Variants in TBC1D7 observed in about 807,000 individuals in gnomAD.
TBC1D7 encodes the protein TBC domain family 7.
Under a neutral mutation model 35.3 loss-of-function variants are expected in TBC1D7, and 33 were observed. That is an observed-to-expected ratio of 0.93 (90% confidence interval 0.71 to 1.25). The LOEUF is 1.25. Ranked by LOEUF, TBC1D7 falls within the 50% of genes most tolerant of loss-of-function variation. The pLI is 0.00. For missense variants in TBC1D7, 362 were observed against 365.3 expected, an observed-to-expected ratio of 0.99 and a Z score of 0.07; for synonymous variants, 135 against 129.5, an observed-to-expected ratio of 1.04 and a Z score of -0.29.
chr6:13,312,544 C>G (rs1260636991), intron 5 of TBC1D7, among the ~76,000 whole-genome samples: 1 of 151,656 alleles, frequency 6.6e-6, no homozygotes, highest in African/African-American at 2.4e-5. Context: ...AAAAATTAGC[C>G]AGGCATGGTG....
intron 1 of TBC1D7, among the ~76,000 whole-genome samples, chr6:13,327,470 GAA>G (rs2127546475): frequency 6.6e-6 from 1 of 152,178 alleles, no homozygotes; most frequent in South Asian, 2.1e-4. Flanking sequence ...TTTGTAAAAT[GAA>G]AAATTAAGTT....
chr6:13,307,893 C>T (rs1223046487), intron 5 of TBC1D7, 148 bp from the exon 6 acceptor site: 1 of 853,506 alleles, frequency 1.2e-6, no homozygotes, highest in East Asian at 2.7e-5. Flanking sequence ...ACTTGTGACA[C>T]AGCAGTTTCC....
intron 3 of TBC1D7, among the ~76,000 whole-genome samples, chr6:13,322,729 G>A (rs1476924517): frequency 6.6e-6 from 1 of 152,272 alleles, no homozygotes. Context: ...CTTTACTCAT[G>A]CTATGAGACT....
At chr6:13,311,265 A>G (rs1041184603) in intron 5 of TBC1D7, among the ~76,000 whole-genome samples, 1 of 152,246 alleles carries the variant, frequency 6.6e-6, no homozygotes, top group African/African-American at 2.4e-5. Flanking sequence ...CTTCCATGCC[A>G]TACAATTGAA....
intron 4 of TBC1D7, chr6:13,319,912 A>C (rs1263019245): frequency 6.6e-6 from 1 of 152,156 alleles, no homozygotes; most frequent in Non-Finnish European, 1.5e-5. Flanking sequence ...CCAGCGGAAA[A>C]CTCCAGCAGG....
At chr6:13,313,230 T>C (rs184469984) in intron 5 of TBC1D7, among the ~76,000 whole-genome samples, 2 of 152,188 alleles carry the variant, frequency 1.3e-5, no homozygotes, top group African/African-American at 4.8e-5. Context: ...TATATACCAA[T>C]AACTCTTACA....
At chr6:13,305,405 C>T (rs1035538317) in intron 7 of TBC1D7, among the ~76,000 whole-genome samples, 6 of 152,194 alleles carry the variant, frequency 3.9e-5, no homozygotes, top group African/African-American at 1.4e-4. Flanking sequence ...ACTAACTGTG[C>T]ACCCCCGGGC....
chr6:13,320,394 G>A (rs1584560595), intron 4 of TBC1D7: 2 of 282,050 alleles, frequency 7.1e-6, no homozygotes, highest in South Asian at 4.3e-5. Context: ...TTTAGGAAGT[G>A]TACACTGAAG....
Position 13,328,520 on chromosome 6 carries a change from T to C in TBC1D7, c.-233A>G, listed in dbSNP as rs141894206. ...AACTCAGCGCCGCTGCCGCTGCCGCTGCCGCCGCCGCCGGACGTGACATCA... is the reference window on the plus strand; with the variant it reads ...AACTCAGCGCCGCTGCCGCTGCCGCCGCCGCCGCCGCCGGACGTGACATCA... On this transcript the variant is annotated 5_prime_UTR_variant, in exon 1 of 8. Transcript: ENST00000379300. 3,254 of 158,024 alleles carry C rather than the reference T, an allele frequency of 0.021. 77 individuals carry two copies. Among genetic ancestry groups the C allele is most frequent in the East Asian group, 0.11 (556 of 5,252 alleles). The allele number at this position is 158,024 out of a possible 1,614,324, so 9.8% of individuals were successfully genotyped here.
intron 5 of TBC1D7, among the ~76,000 whole-genome samples, chr6:13,313,721 T>A (rs1445264673): frequency 6.6e-6 from 1 of 152,120 alleles, no homozygotes. Context: ...CACTTCAGAA[T>A]TGCCTGGAGC....
intron 7 of TBC1D7, chr6:13,305,604 G>C: frequency 5.5e-6 from 1 of 181,292 alleles, no homozygotes; most frequent in Non-Finnish European, 1.2e-5. Context: ...TATTGACTCA[G>C]TACTTTATTA....
chr6:13,325,696 T>C (rs560134138), intron 2 of TBC1D7, among the ~76,000 whole-genome samples: 3 of 152,232 alleles, frequency 2.0e-5, no homozygotes, highest in Non-Finnish European at 4.4e-5. Flanking sequence ...ATTTGCATTT[T>C]ACAGCATTGG....
rs1782713133 is a variant in TBC1D7 at position 13,305,013 on chromosome 6, T to C, written c.*88A>G. 8.9e-7 allele frequency: 1 copy of C among 1,125,444 alleles called. No individual in the cohort carries two copies. Among genetic ancestry groups the C allele is most frequent in the Admixed American group, 2.5e-5 (1 of 39,714 alleles). The allele number at this position is 1,125,444 out of a possible 1,614,324, so 69.7% of individuals were successfully genotyped here. On this transcript the variant is annotated 3_prime_UTR_variant, in exon 8 of 8. Transcript: ENST00000379300. ...TTTGAGCACCAAAGCAAGAAAAGTG[T>C]ATTATTCAATCAGTTTCCCAGATCA... is the stretch of plus-strand genomic sequence containing the variant.
chr6:13,320,652 T>G, intron 4 of TBC1D7: 1 of 630,260 alleles, frequency 1.6e-6, no homozygotes. Flanking sequence ...ATATGCAAAT[T>G]CTTGGTAGTA....
At chr6:13,324,106 CTG>C (rs1322532858) in intron 3 of TBC1D7, among the ~76,000 whole-genome samples, 11 of 151,744 alleles carry the variant, frequency 7.2e-5, no homozygotes, top group African/African-American at 4.8e-5. Context: ...AGTGAACAAA[CTG>C]TAAGTTTTTT....
intron 3 of TBC1D7, among the ~76,000 whole-genome samples, chr6:13,321,762 C>G (rs2127540164): frequency 6.6e-6 from 1 of 152,288 alleles, no homozygotes; most frequent in East Asian, 1.9e-4. Flanking sequence ...TACTAGGACT[C>G]TGAAATGTGT....
chr6:13,322,861 C>T (rs896879453), intron 3 of TBC1D7, among the ~76,000 whole-genome samples: 2 of 152,154 alleles, frequency 1.3e-5, no homozygotes, highest in South Asian at 4.1e-4. Flanking sequence ...CACATTAACC[C>T]TTAAACCTGT....
At chr6:13,310,637 CAAAAA>C (rs546122443) in intron 5 of TBC1D7, among the ~76,000 whole-genome samples, 1 of 73,002 alleles carries the variant, frequency 1.4e-5, no homozygotes, top group Non-Finnish European at 2.7e-5. Flanking sequence ...GACTCCGTCT[CAAAAA>C]AAAAAAAAAA....
intron 3 of TBC1D7, among the ~76,000 whole-genome samples, chr6:13,321,421 T>C (rs965673608): frequency 6.6e-6 from 1 of 152,254 alleles, no homozygotes; most frequent in African/African-American, 2.4e-5. Context: ...ACTTAATTTA[T>C]GGCAGCCTCA....
Sources: allele counts gnomAD v4.1 joint callset (sites outside exome capture counted in the v4.1 genomes callset), GRCh38; gene constraint gnomAD v4.1.1; transcripts MANE v1.5; gene names NCBI Gene and HGNC (gene_info 2026-07-23, HGNC 2026-07-21).